The following RRBP1 variants were observed in gnomAD, a reference collection of about 807,000 sequenced individuals.
RRBP1 encodes the protein ribosome binding protein 1, also known as ribosome-binding protein 1.
Under a neutral mutation model 165.2 loss-of-function variants are expected in RRBP1, and 94 were observed. The ratio of observed to expected loss-of-function variants is 0.57; its 90% CI spans 0.48 to 0.68. The LOEUF (loss-of-function observed/expected upper bound fraction) is 0.68, where lower values mean the gene tolerates loss of function less well. RRBP1 is among the 30% of genes least tolerant of loss of function. RRBP1 has a pLI of 0.00. For synonymous variants in RRBP1, 680 were observed against 714.5 expected (o/e 0.95, Z 0.77); for missense variants, 1,676 against 1,763.0 (o/e 0.95, Z 0.88).
intron 12 of RRBP1, 123 bp downstream of exon 12, chr20:17,625,389 G>T: frequency 1.2e-6 from 1 of 805,214 alleles, no homozygotes; most frequent in Non-Finnish European, 2.0e-6. Context: ...AGCACAATGG[G>T]GTGTAGAAAC....
chr20:17,663,460 T>C (rs775860816), intron 2 of RRBP1, among the ~76,000 whole-genome samples: 4 of 152,222 alleles, frequency 2.6e-5, no homozygotes, highest in Non-Finnish European at 4.4e-5. Flanking sequence ...TTCCCAACTT[T>C]TGCAGAAAAA....
intron 8 of RRBP1, 80 bp downstream of exon 8, chr20:17,633,371 GGCACGGCCA>G: frequency 7.0e-7 from 1 of 1,429,438 alleles, no homozygotes; most frequent in South Asian, 1.3e-5. Flanking sequence ...TGCCCAGTGT[GGCACGGCCA>G]GCCTGGGCCC....
rs1483342038 is a variant in RRBP1 at position 17,660,088 on chromosome 20, CTTT to C, written c.417_419del (p.Lys142del). 6.2e-7 allele frequency: 1 copy of C among 1,614,064 alleles called. No individual in the cohort carries two copies. The highest frequency in any genetic ancestry group is 1.1e-5 in the South Asian group (1 of 91,050). ...CTTTTGCCACTTTTTTCTCCTTCTT[CTTT>C]TTGTCCTTGGGGGAGGAGGCCAGCT... On this transcript the variant is annotated inframe_deletion, in exon 3 of 25. Coordinates refer to ENST00000377813, the MANE Select transcript of RRBP1 (RefSeq NM_001365613.2).
intron 9 of RRBP1, among the ~76,000 whole-genome samples, chr20:17,628,111 A>C (rs1600734744): frequency 6.6e-6 from 1 of 151,996 alleles, no homozygotes; most frequent in East Asian, 1.9e-4. Flanking sequence ...ACCTCTTCAC[A>C]GTCGAGAAAG....
chr20:17,667,295 C>T lies in RRBP1; in HGVS notation c.-21-6767G>A, dbSNP rs554466247. On this transcript the variant is annotated intron_variant, in intron 2 of 24. Transcript: ENST00000377813. ...CTAGAGTGCTGATTTTTAACAATTT[C>T]GATACAATTTAACAACATCAATTTC... Among the ~76,000 whole-genome samples the T allele has an allele frequency of 2.6e-5, 4 of 152,222 alleles. No individual in the cohort carries two copies. In the South Asian group the frequency reaches 8.3e-4, roughly 32 times the overall value.
In RRBP1 at chr20:17,643,044, C is replaced by G; in HGVS notation, c.1996G>C (p.Glu666Gln). 2 of 1,614,120 alleles carry G rather than the reference C, an allele frequency of 1.2e-6. No homozygotes were observed. The highest frequency in any genetic ancestry group is 1.7e-6 in the Non-Finnish European group (2 of 1,180,038). ...AGGATCTCGATGAGCCGCTGGGCCTCGCCCTCGTTGAACACCATGCTCCCA... is the reference window on the plus strand; with the variant it reads ...AGGATCTCGATGAGCCGCTGGGCCTGGCCCTCGTTGAACACCATGCTCCCA... ...TVGSMVFNEG[E>Q]AQRLIEILSE... The change falls in exon 4 of 25, where the codon GAG becomes CAG. Residue 666 changes from glutamate (E) to glutamine (Q), a missense_variant. Physicochemically the swap from Glu to Gln is conservative, Grantham distance 29. Around this residue, in one of 5 missense-constraint regions of RRBP1, gnomAD observed 1,184 missense variants for 1,167.1 expected, o/e 1.01. Transcript: ENST00000377813. The surrounding 1 kb of genome is among the most constrained non-coding windows in gnomAD (Gnocchi z 4.3).
chr20:17,638,733 C>T (rs1164410293), intron 5 of RRBP1, among the ~76,000 whole-genome samples: 1 of 151,902 alleles, frequency 6.6e-6, no homozygotes, highest in African/African-American at 2.4e-5. Flanking sequence ...GGGGTTCCGG[C>T]GCACAAGAAG....
rs544644938 is a variant in RRBP1, at chr20:17,653,625, C to G, written c.1912+4971G>C. ...CCAAGGCGGGTGGATCACCTGAGGTCAGGAGTTCAAGACCAGCTGCCAACA... is the reference window on the plus strand; with the variant it reads ...CCAAGGCGGGTGGATCACCTGAGGTGAGGAGTTCAAGACCAGCTGCCAACA... On this transcript the variant is annotated intron_variant, in intron 3 of 24. Coordinates refer to ENST00000377813, the MANE Select transcript of RRBP1 (RefSeq NM_001365613.2). Among the ~76,000 whole-genome samples the G allele has an allele frequency of 1.4e-3, 213 of 152,282 alleles. 1 individual carries two copies. Among genetic ancestry groups the G allele is most frequent in the African/African-American group, 4.9e-3 (202 of 41,550 alleles).
At chr20:17,655,761 T>C (rs985630147) in intron 3 of RRBP1, among the ~76,000 whole-genome samples, 1 of 152,268 alleles carries the variant, frequency 6.6e-6, no homozygotes, top group African/African-American at 2.4e-5. Context: ...TCACACAATT[T>C]ACAATGCCAG....
chr20:17,656,572 C>T (rs572147616), intron 3 of RRBP1, among the ~76,000 whole-genome samples: 107 of 152,332 alleles, frequency 7.0e-4, no homozygotes, highest in African/African-American at 2.4e-3. Context: ...ATGCTTCTCT[C>T]ATTCAAGTTC....
intron 3 of RRBP1, among the ~76,000 whole-genome samples, chr20:17,657,201 A>G (rs1010994567): frequency 4.6e-5 from 7 of 152,256 alleles, no homozygotes; most frequent in African/African-American, 7.2e-5. Context: ...AGCCTCTGGA[A>G]GTAGGGCTGA....
chr20:17,636,760 G>T, intron 5 of RRBP1, 31 bp from the exon 6 acceptor site: 1 of 1,611,004 alleles, frequency 6.2e-7, no homozygotes, highest in Non-Finnish European at 8.5e-7. Context: ...AGAGGGGCTG[G>T]TAAGCCTTGC....
In RRBP1 at chr20:17,614,784, T is replaced by G. The variant is rs758533469; in HGVS notation, c.4147A>C (p.Arg1383=). 6.2e-7 allele frequency: 1 copy of G among 1,613,772 alleles called. No individual in the cohort carries two copies. The highest frequency in any genetic ancestry group is 1.1e-5 in the South Asian group (1 of 91,080). Residue 1383 remains arginine (R), a synonymous_variant, in exon 24 of 25, where the codon AGG becomes CGG. Coordinates refer to ENST00000377813, the MANE Select transcript of RRBP1 (RefSeq NM_001365613.2). ...LLKTTQEQLA[R]EKDTVKKLQE... ...AGCTTCTTCACCGTGTCCTTCTCCC[T>G]TGCCAGCTGCTCCTGGGTCGTCTTC...
intron 7 of RRBP1, 77 bp from the exon 8 acceptor site, chr20:17,633,690 C>T (rs2036196490): frequency 1.4e-6 from 2 of 1,455,816 alleles, no homozygotes; most frequent in South Asian, 2.6e-5. Context: ...CCCTCCAGGA[C>T]TCCAGCTCTC....
intron 22 of RRBP1, 85 bp from the exon 23 acceptor site, chr20:17,615,614 CA>C (rs1467452422): frequency 4.3e-6 from 5 of 1,155,848 alleles, no homozygotes; most frequent in Non-Finnish European, 5.9e-6. Context: ...GCCTGGGGAC[CA>C]GGGGGCCCCC....
intron 5 of RRBP1, among the ~76,000 whole-genome samples, chr20:17,637,195 C>G (rs372339705): frequency 2.0e-5 from 3 of 152,016 alleles, no homozygotes; most frequent in Admixed American, 1.3e-4. Context: ...CCAGTTCCGC[C>G]GTGGCTGGGG....
rs534444551 is a variant in RRBP1, at chr20:17,618,534, G to C, written c.3759+62C>G. 1.4e-5 allele frequency: 17 copies of C among 1,224,360 alleles called. No homozygotes were observed. In the Admixed American group the frequency reaches 2.4e-4, roughly 17 times the overall value. 75.8% of individuals were successfully genotyped at this position (1,224,360 alleles called of 1,614,324 possible). ...GGACACAAACGCATGACTGGCAAAT[G>C]CATCTCACACACGCAACGCCCCAGG... On this transcript the variant is annotated intron_variant, in intron 20 of 24. Transcript: ENST00000377813.
intron 3 of RRBP1, among the ~76,000 whole-genome samples, chr20:17,646,323 A>AC (rs1440732172): frequency 6.6e-6 from 1 of 151,972 alleles, no homozygotes; most frequent in Non-Finnish European, 1.5e-5. Flanking sequence ...AATGAATGAA[A>AC]CCACTGTACA....
chr20:17,675,311 G>A (rs1214070210), intron 2 of RRBP1, among the ~76,000 whole-genome samples: 1 of 152,182 alleles, frequency 6.6e-6, no homozygotes, highest in Admixed American at 6.5e-5. Context: ...ACTCCTTCAG[G>A]CTACATGATA....
Sources: gnomAD v4.1 joint callset for allele counts (sites outside exome capture counted in the v4.1 genomes callset) on GRCh38, gnomAD v4.1.1 for gene constraint, gnomAD v4.1.1 regional missense constraint, Gnocchi (gnomAD v3.1) non-coding constraint, MANE v1.5 for transcripts, NCBI Gene and HGNC (gene_info 2026-07-23, HGNC 2026-07-21) for gene names.